Variants in TRAF3 observed in about 807,000 individuals in gnomAD.
The protein encoded by TRAF3 is TNF receptor associated factor 3, also known as TNF receptor-associated factor 3.
A neutral mutation model predicts 62.3 loss-of-function variants in TRAF3; 13 were observed. The ratio of observed to expected loss-of-function variants is 0.21; its 90% CI spans 0.14 to 0.33. The LOEUF (loss-of-function observed/expected upper bound fraction) is 0.33. TRAF3 is among the 10% of genes least tolerant of loss of function. The pLI, the probability that TRAF3 is intolerant of heterozygous loss-of-function variation, is 1.00. For missense variants in TRAF3, 440 were observed against 741.8 expected, an observed-to-expected ratio of 0.59 and a Z score of 4.73; for synonymous variants, 269 against 283.4, an observed-to-expected ratio of 0.95 and a Z score of 0.51.
chr14:102,895,127 G>T lies in TRAF3; in HGVS notation c.820-2134G>T, dbSNP rs982275159. On this transcript the variant is annotated intron_variant, in intron 9 of 11. Transcript: ENST00000392745. ...TGTCCCGTCTTTGACAGATGGAAAT[G>T]AATGAATTGTTACTTTCAGAGGGAC... 7.5e-5 allele frequency: 34 copies of T among 455,726 alleles called. 1 individual carries two copies. In the Admixed American group the frequency reaches 8.0e-4, roughly 11 times the overall value. The allele number at this position is 455,726 out of a possible 1,614,324, so 28.2% of individuals were successfully genotyped here.
chr14:102,855,879 C>A (rs1428798847), intron 2 of TRAF3, among the ~76,000 whole-genome samples: 6 of 151,730 alleles, frequency 4.0e-5, no homozygotes, highest in African/African-American at 1.5e-4. Context: ...ATCACTTGAG[C>A]CCAGGAGTTT....
chr14:102,824,779 T>G (rs1296376762), intron 1 of TRAF3, among the ~76,000 whole-genome samples: 2 of 152,248 alleles, frequency 1.3e-5, no homozygotes, highest in Non-Finnish European at 2.9e-5. Context: ...GCCATGGTCA[T>G]TCTAGTTAAT....
chr14:102,884,663 T>C (rs1252339169), intron 6 of TRAF3, among the ~76,000 whole-genome samples: 1 of 151,712 alleles, frequency 6.6e-6, no homozygotes, highest in Non-Finnish European at 1.5e-5. Flanking sequence ...TACAAAAAAT[T>C]AGCTGGGCAC....
intron 1 of TRAF3, among the ~76,000 whole-genome samples, chr14:102,815,685 C>G (rs1158112241): frequency 6.6e-6 from 1 of 152,196 alleles, no homozygotes; most frequent in Non-Finnish European, 1.5e-5. Flanking sequence ...ATTCCCCAGA[C>G]TGGGTAGTTT....
chr14:102,903,884 C>G lies in TRAF3; in HGVS notation c.1135+455C>G, dbSNP rs905550862. 29 of 433,640 alleles carry G rather than the reference C, an allele frequency of 6.7e-5. No homozygotes were observed. The highest frequency in any genetic ancestry group is 1.3e-4 in the Non-Finnish European group (28 of 214,724). The allele number at this position is 433,640 out of a possible 1,614,324, so 26.9% of individuals were successfully genotyped here. On this transcript the variant is annotated intron_variant, in intron 11 of 11. Transcript: ENST00000392745. This position sits in a 1 kb window ranked among gnomAD's most constrained non-coding sequence, Gnocchi z 6.4. ...AGATGTGGGCCTATGGCTTTGGGGACTGAAAGAGTATTGGGAATATTTACA... is the reference window on the plus strand; with the variant it reads ...AGATGTGGGCCTATGGCTTTGGGGAGTGAAAGAGTATTGGGAATATTTACA...
intron 6 of TRAF3, among the ~76,000 whole-genome samples, chr14:102,878,712 G>C (rs372629897): frequency 6.6e-6 from 1 of 152,184 alleles, no homozygotes; most frequent in Non-Finnish European, 1.5e-5. Context: ...AAGGGACAGT[G>C]GGGGAGCATG....
chr14:102,800,664 A>C lies in TRAF3; in HGVS notation c.-157+22989A>C, dbSNP rs1185218299. ...TGAATATTTCATTATTTTACCACAG[A>C]TGGTTAATTAACATGTTTCCTGTTC... On this transcript the variant is annotated intron_variant, in intron 1 of 11. Coordinates refer to ENST00000392745, the MANE Select transcript of TRAF3 (RefSeq NM_145725.3). Among the ~76,000 whole-genome samples, 11 of 145,092 alleles carry C rather than the reference A, an allele frequency of 7.6e-5. No individual in the cohort carries two copies. In the South Asian group the frequency reaches 2.2e-3, roughly 29 times the overall value.
chr14:102,904,075 GCTGTCTC>G (rs1489262993), intron 11 of TRAF3, among the ~76,000 whole-genome samples: 1 of 152,206 alleles, frequency 6.6e-6, no homozygotes, highest in Non-Finnish European at 1.5e-5. Flanking sequence ...GGAGAGCACA[GCTGTCTC>G]CTGCTCCCAG....
chr14:102,807,147 C>G (rs1302406641), intron 1 of TRAF3, among the ~76,000 whole-genome samples: 1 of 152,196 alleles, frequency 6.6e-6, no homozygotes, highest in African/African-American at 2.4e-5. Flanking sequence ...TCAGAGAGAT[C>G]TAAACATAGG....
chr14:102,904,937 C>G (rs1029932374), intron 11 of TRAF3, among the ~76,000 whole-genome samples: 1 of 152,002 alleles, frequency 6.6e-6, no homozygotes, highest in African/African-American at 2.4e-5. Flanking sequence ...CATGGCGAAA[C>G]CCTGTCCCTA....
intron 9 of TRAF3, among the ~76,000 whole-genome samples, chr14:102,894,187 A>AGTG: frequency 6.6e-6 from 1 of 152,050 alleles, no homozygotes; most frequent in South Asian, 2.1e-4. Flanking sequence ...ATTAGCTAGG[A>AGTG]GTGGTGGTGT....
chr14:102,811,913 C>CCTTTTTT lies in TRAF3; in HGVS notation c.-156-18421_-156-18420insCTTTTTT, dbSNP rs1381571409. Among the ~76,000 whole-genome samples the CCTTTTTT allele has an allele frequency of 1.9e-3, 90 of 47,098 alleles. 3 individuals are homozygous for CCTTTTTT. The highest frequency in any genetic ancestry group is 0.045 in the Middle Eastern group (2 of 44). The allele number at this position is 47,098 out of a possible 152,430, so 30.9% of individuals were successfully genotyped here. A position where few individuals can be genotyped will look rare whatever the true frequency, so the allele number is the denominator to read the frequency against. ...TAGGCTTGTGCCACCATGCCTGGCC[C>CCTTTTTT]TTTTTTTTTTTTTTTTTTTTTTTTT... On this transcript the variant is annotated intron_variant, in intron 1 of 11. Transcript: ENST00000392745.
chr14:102,798,393 A>C (rs1361130460), intron 1 of TRAF3, among the ~76,000 whole-genome samples: 2 of 152,134 alleles, frequency 1.3e-5, no homozygotes, highest in East Asian at 3.9e-4. Flanking sequence ...CAATCCCAGC[A>C]CTTTGGGAGG....
chr14:102,787,596 A>T (rs1271376384), intron 1 of TRAF3, among the ~76,000 whole-genome samples: 1 of 151,386 alleles, frequency 6.6e-6, no homozygotes, highest in Non-Finnish European at 1.5e-5. Flanking sequence ...CTGAGGCAGG[A>T]GAATCGCTTG....
chr14:102,805,782 T>G (rs1274026452), intron 1 of TRAF3, among the ~76,000 whole-genome samples: 1 of 152,192 alleles, frequency 6.6e-6, no homozygotes, highest in African/African-American at 2.4e-5. Context: ...CCCAGACTCT[T>G]CAAAGGAAAT....
chr14:102,898,821 CTACTTGAAAACTT>C (rs1461418551), intron 10 of TRAF3, among the ~76,000 whole-genome samples: 1 of 152,172 alleles, frequency 6.6e-6, no homozygotes, highest in Non-Finnish European at 1.5e-5. Flanking sequence ...TATGTGATTT[CTACTTGAAAACTT>C]TTGTGATTGG....
chr14:102,864,572 TATG>T (rs1013993510), intron 2 of TRAF3, among the ~76,000 whole-genome samples: 2 of 152,216 alleles, frequency 1.3e-5, no homozygotes, highest in Non-Finnish European at 2.9e-5. Context: ...CATATTAAAT[TATG>T]ATCAGTTTCG....
intron 3 of TRAF3, among the ~76,000 whole-genome samples, chr14:102,870,785 A>G (rs563375397): frequency 6.6e-6 from 1 of 152,288 alleles, no homozygotes; most frequent in African/African-American, 2.4e-5. Context: ...CAGTCATTTA[A>G]GGGCACGTGT....
At chr14:102,886,816 T>A (rs939558114) in intron 7 of TRAF3, among the ~76,000 whole-genome samples, 7 of 152,160 alleles carry the variant, frequency 4.6e-5, no homozygotes, top group Admixed American at 3.9e-4. Context: ...TGTGAAGCAT[T>A]AAGAAAATGG....
Sources: allele counts gnomAD v4.1 joint callset (sites outside exome capture counted in the v4.1 genomes callset), GRCh38; gene constraint gnomAD v4.1.1; non-coding constraint Gnocchi (gnomAD v3.1); transcripts MANE v1.5; gene names NCBI Gene and HGNC (gene_info 2026-07-23, HGNC 2026-07-21).